SLC1A3: variants seen among roughly 807,000 people sequenced by gnomAD.
The protein encoded by SLC1A3 is excitatory amino acid transporter 1.
Under a neutral mutation model 48.1 loss-of-function variants are expected in SLC1A3, and 21 were observed. The ratio of observed to expected loss-of-function variants is 0.44; its 90% confidence interval spans 0.31 to 0.63. The LOEUF (loss-of-function observed/expected upper bound fraction) is 0.63, where lower values mean the gene tolerates loss of function less well. Among genes scored for constraint, SLC1A3 ranks in the 20% least tolerant of loss-of-function variants. The pLI is 0.08. For missense variants in SLC1A3, 546 were observed against 689.0 expected, an observed-to-expected ratio of 0.79 and a Z score of 2.32; for synonymous variants, 239 against 251.4, an observed-to-expected ratio of 0.95 and a Z score of 0.47.
At chr5:36,608,811 A>C (rs1739074929) in intron 2 of SLC1A3, 1 of 1,362,276 alleles carries the variant, frequency 7.3e-7, no homozygotes, top group African/African-American at 1.5e-5. Context: ...AGGCATCATT[A>C]GGCATTATGC....
At chr5:36,682,128 A>T (rs894204634) in intron 8 of SLC1A3, among the ~76,000 whole-genome samples, 1 of 152,232 alleles carries the variant, frequency 6.6e-6, no homozygotes, top group Non-Finnish European at 1.5e-5. Flanking sequence ...AGAATATCCA[A>T]TCTATATTCA....
In SLC1A3 at chr5:36,679,199, C is replaced by T. The variant is rs549304191; in HGVS notation, c.861-428C>T. Among the ~76,000 whole-genome samples, 129 of 152,204 alleles carry T rather than the reference C, an allele frequency of 8.5e-4. No individual in the cohort carries two copies. The Middle Eastern group carries it at 0.01, about 12-fold the overall frequency. On this transcript the variant is annotated intron_variant, in intron 6 of 9. Transcript: ENST00000265113. ...GTCTGGATATTGGTACAGTGGATTC[C>T]GGCTGTTCAGGACACTTAGCAAGGG...
At chr5:36,639,734 G>T (rs1407578982) in intron 3 of SLC1A3, among the ~76,000 whole-genome samples, 1 of 152,190 alleles carries the variant, frequency 6.6e-6, no homozygotes, top group Non-Finnish European at 1.5e-5. Context: ...TTTATTTAAA[G>T]TCATTTTTAT....
chr5:36,676,075 G>T (rs1251705695), intron 5 of SLC1A3, among the ~76,000 whole-genome samples: 1 of 152,172 alleles, frequency 6.6e-6, no homozygotes, highest in Non-Finnish European at 1.5e-5. Context: ...CTGAATAGAT[G>T]ATGGGAAAAA....
At chr5:36,675,524 T>C (rs908630188) in intron 5 of SLC1A3, among the ~76,000 whole-genome samples, 3 of 152,144 alleles carry the variant, frequency 2.0e-5, no homozygotes, top group African/African-American at 7.2e-5. Context: ...TCTCCCCAGG[T>C]CTAGTTGGCT....
chr5:36,686,331 A>C lies in SLC1A3; in HGVS notation c.*62A>C. 3 of 1,267,424 alleles carry C rather than the reference A, an allele frequency of 2.4e-6. No individual in the cohort carries two copies. Among genetic ancestry groups the C allele is most frequent in the Non-Finnish European group, 2.3e-6 (2 of 864,874 alleles). The allele number at this position is 1,267,424 out of a possible 1,614,324, so 78.5% of individuals were successfully genotyped here. A position where few individuals can be genotyped will look rare whatever the true frequency, so the allele number is the denominator to read the frequency against. The stretch of plus-strand genomic sequence containing the variant: ...TTAAAAACCATTATAAAATCTTTCC[A>C]TCTCATTACAGCTCATTCGCTCCAG... On this transcript the variant is annotated 3_prime_UTR_variant, in exon 10 of 10. Transcript: ENST00000265113.
At chr5:36,659,170 T>C (rs1741406584) in intron 3 of SLC1A3, among the ~76,000 whole-genome samples, 1 of 152,200 alleles carries the variant, frequency 6.6e-6, no homozygotes, top group South Asian at 2.1e-4. Context: ...CAGTGGGCAC[T>C]GGAGTTGGAG....
Position 36,666,265 on chromosome 5 carries a change from T to G in SLC1A3, c.320-4764T>G, listed in dbSNP as rs1485952969. ...AAAAAAACTTATATTCACATGAATATGGTACATATTAGCACTCATCCTTGC... is the reference window on the plus strand; with the variant it reads ...AAAAAAACTTATATTCACATGAATAGGGTACATATTAGCACTCATCCTTGC... On this transcript the variant is annotated intron_variant, in intron 3 of 9. Coordinates refer to ENST00000265113, the MANE Select transcript of SLC1A3 (RefSeq NM_004172.5). 3 of 152,218 alleles carry G rather than the reference T, an allele frequency of 2.0e-5. No homozygotes were observed. The East Asian group carries it at 5.8e-4, about 29-fold the overall frequency. 9.4% of individuals were successfully genotyped at this position (152,218 alleles called of 1,614,324 possible). A position where few individuals can be genotyped will look rare whatever the true frequency, so the allele number is the denominator to read the frequency against.
chr5:36,602,351 C>G (rs986124175), upstream of SLC1A3, among the ~76,000 whole-genome samples: 1 of 152,080 alleles, frequency 6.6e-6, no homozygotes, highest in East Asian at 1.9e-4. Context: ...GTAGAATAGA[C>G]CTCAAAGTAT....
chr5:36,662,413 G>A (rs1020820501), intron 3 of SLC1A3, among the ~76,000 whole-genome samples: 7 of 152,162 alleles, frequency 4.6e-5, no homozygotes, highest in African/African-American at 9.7e-5. Flanking sequence ...CTTTGTGCTC[G>A]GCTGTTACAA....
intron 2 of SLC1A3, among the ~76,000 whole-genome samples, chr5:36,619,017 G>A (rs914754620): frequency 2.0e-5 from 3 of 152,256 alleles, no homozygotes; most frequent in East Asian, 1.9e-4. Context: ...GTCACACACC[G>A]TGTGCACATA....
At chr5:36,602,805 C>A (rs1274536138), upstream of SLC1A3, among the ~76,000 whole-genome samples, 2 of 152,128 alleles carry the variant, frequency 1.3e-5, no homozygotes, top group African/African-American at 4.8e-5. Flanking sequence ...TTCTGAAACC[C>A]CATCAGAGGT....
chr5:36,670,120 T>C (rs1741927177), intron 3 of SLC1A3, among the ~76,000 whole-genome samples: 1 of 152,206 alleles, frequency 6.6e-6, no homozygotes, highest in Admixed American at 6.5e-5. Flanking sequence ...TTTTTTGTCT[T>C]TTCCAATAGT....
chr5:36,632,696 T>C (rs1395083821), intron 3 of SLC1A3, among the ~76,000 whole-genome samples: 4 of 152,234 alleles, frequency 2.6e-5, no homozygotes, highest in Non-Finnish European at 5.9e-5. Context: ...ATAAAACTAT[T>C]ATTGTGTTTC....
At position 36,629,548 on chromosome 5, in the gene SLC1A3, A is replaced by T. The variant is rs1740053317; in HGVS notation, c.280A>T (p.Met94Leu). ...PGELLMRMLQ[M>L]LVLPLIISSL... ...GGAACTTCTGATGAGGATGTTACAG[A>T]TGCTGGTCTTACCACTTATCATCTC... Residue 94 changes from methionine (M) to leucine (L), a missense_variant, in exon 3 of 10, where the codon ATG becomes TTG. Physicochemically the swap from Met to Leu is conservative, Grantham distance 15. Around this residue, in one of 3 missense-constraint regions of SLC1A3, gnomAD observed 348 missense variants for 392.0 expected, o/e 0.89. Transcript: ENST00000265113. 1 of 1,612,570 alleles carries T rather than the reference A, an allele frequency of 6.2e-7. No homozygotes were observed. Among genetic ancestry groups the T allele is most frequent in the Non-Finnish European group, 8.5e-7 (1 of 1,179,340 alleles).
At chr5:36,670,351 C>T (rs1469080361) in intron 3 of SLC1A3, among the ~76,000 whole-genome samples, 1 of 152,026 alleles carries the variant, frequency 6.6e-6, no homozygotes, top group East Asian at 1.9e-4. Flanking sequence ...GAGAACTGTG[C>T]CATGATAATT....
chr5:36,655,970 C>A (rs181965214), intron 3 of SLC1A3, among the ~76,000 whole-genome samples: 168 of 152,282 alleles, frequency 1.1e-3, no homozygotes, highest in Middle Eastern at 3.4e-3. Flanking sequence ...ATGATTGCTC[C>A]TCAGTAATCA....
chr5:36,654,382 C>T (rs1741207362), intron 3 of SLC1A3, among the ~76,000 whole-genome samples: 1 of 152,208 alleles, frequency 6.6e-6, no homozygotes, highest in Admixed American at 6.5e-5. Flanking sequence ...ATCCCAATCA[C>T]TTGACTTCTT....
intron 3 of SLC1A3, among the ~76,000 whole-genome samples, chr5:36,644,847 C>T (rs537280459): frequency 1.5e-4 from 23 of 152,166 alleles, no homozygotes; most frequent in Non-Finnish European, 2.4e-4. Context: ...ATTCCTCAGC[C>T]GCCCCTGTGG....
Sources: allele counts gnomAD v4.1 joint callset (sites outside exome capture counted in the v4.1 genomes callset), GRCh38; gene constraint gnomAD v4.1.1; regional missense constraint gnomAD v4.1.1; transcripts MANE v1.5; gene names NCBI Gene and HGNC (gene_info 2026-07-23, HGNC 2026-07-21).